The following ZRANB3 variants were observed in gnomAD, a reference collection of about 807,000 sequenced individuals.
ZRANB3 encodes the protein DNA annealing helicase and endonuclease ZRANB3.
Under a neutral mutation model 133.8 loss-of-function variants are expected in ZRANB3, and 125 were observed. That is an observed-to-expected ratio of 0.93 (90% CI 0.81 to 1.08). The LOEUF is 1.08. Ranked by LOEUF, ZRANB3 falls within the 50% of genes least tolerant of loss-of-function variation. The pLI is 0.00. For synonymous variants in ZRANB3, 387 were observed against 432.7 expected (o/e 0.89, Z 1.31); for missense variants, 1,229 against 1,275.5 (o/e 0.96, Z 0.56).
Position 135,290,956 on chromosome 2 carries a change from G to C in ZRANB3, c.967-15201C>G, listed in dbSNP as rs575301966. The stretch of plus-strand genomic sequence containing the variant: ...ATTATTCTGGCACCCAGGCTGGAGT[G>C]CAGTGGTATGTTCTTGGCTCACTGC... On this transcript the variant is annotated intron_variant, in intron 8 of 20. Coordinates refer to ENST00000264159, the MANE Select transcript of ZRANB3 (RefSeq NM_032143.4). Among the ~76,000 whole-genome samples the C allele has an allele frequency of 2.4e-4, 37 of 152,264 alleles. 1 individual carries two copies. The highest frequency in any genetic ancestry group is 2.3e-3 in the South Asian group (11 of 4,822).
chr2:135,213,080 A>T (rs1197728600), intron 17 of ZRANB3, among the ~76,000 whole-genome samples: 1 of 151,400 alleles, frequency 6.6e-6, no homozygotes, highest in Non-Finnish European at 1.5e-5. Flanking sequence ...ACCTTTATCA[A>T]TGTTTCTGGG....
intron 11 of ZRANB3, among the ~76,000 whole-genome samples, 172 bp downstream of exon 11, chr2:135,268,790 C>A (rs1056126635): frequency 6.6e-6 from 1 of 152,078 alleles, no homozygotes; most frequent in Admixed American, 6.5e-5. Flanking sequence ...CAGAGGAGAG[C>A]AGACAAGGTA....
intron 1 of ZRANB3, among the ~76,000 whole-genome samples, chr2:135,505,010 TATTAA>T (rs1378759460): frequency 1.3e-5 from 2 of 152,052 alleles, no homozygotes; most frequent in African/African-American, 4.8e-5. Flanking sequence ...AATGTAATAT[TATTAA>T]ATTGTTTAAA....
At chr2:135,396,595 T>G (rs968169466) in intron 2 of ZRANB3, among the ~76,000 whole-genome samples, 6 of 152,092 alleles carry the variant, frequency 3.9e-5, no homozygotes, top group African/African-American at 1.2e-4. Flanking sequence ...CTCACTTATG[T>G]GTGGGAATCC....
intron 2 of ZRANB3, among the ~76,000 whole-genome samples, chr2:135,437,819 C>G (rs1574103071): frequency 1.3e-5 from 2 of 152,174 alleles, no homozygotes; most frequent in African/African-American, 4.8e-5. Flanking sequence ...GATGAGATAG[C>G]TGGCAAAACA....
chr2:135,301,185 ATTT>A (rs765150218), intron 8 of ZRANB3, among the ~76,000 whole-genome samples: 5 of 135,890 alleles, frequency 3.7e-5, no homozygotes, highest in Admixed American at 7.4e-5. Flanking sequence ...TAATATGTTT[ATTT>A]TTTTTTTTTT....
At chr2:135,209,081 G>T in intron 17 of ZRANB3, 103 bp from the exon 18 acceptor site, 2 of 1,089,922 alleles carry the variant, frequency 1.8e-6, no homozygotes, top group East Asian at 2.5e-5. Context: ...GAAAAAGCAA[G>T]CACAATTCTA....
intron 2 of ZRANB3, among the ~76,000 whole-genome samples, chr2:135,486,866 C>T (rs1388394185): frequency 1.3e-5 from 2 of 152,220 alleles, no homozygotes; most frequent in African/African-American, 4.8e-5. Context: ...CTGGGATCAA[C>T]TTCTTCCAAA....
At chr2:135,530,323 T>C (rs1488334884) in intron 1 of ZRANB3, among the ~76,000 whole-genome samples, 1 of 152,096 alleles carries the variant, frequency 6.6e-6, no homozygotes. Context: ...TTTCTACAAA[T>C]TTAGCCGTGC....
chr2:135,299,459 A>G (rs1370541454), intron 8 of ZRANB3, among the ~76,000 whole-genome samples: 2 of 152,002 alleles, frequency 1.3e-5, no homozygotes, highest in South Asian at 2.1e-4. Context: ...TGCACTTCCC[A>G]TTCTCCTTGA....
In ZRANB3 at chr2:135,325,098, C is replaced by T. The variant is rs1248612131; in HGVS notation, c.678-9568G>A. On this transcript the variant is annotated intron_variant, in intron 6 of 20. Coordinates refer to ENST00000264159, the MANE Select transcript of ZRANB3 (RefSeq NM_032143.4). The stretch of plus-strand genomic sequence containing the variant: ...CCAAAGTTAATCTACAGATTCAATG[C>T]AATCTGTATCAAAATTCCAGCTGAC... Among the ~76,000 whole-genome samples, 3 of 152,264 alleles carry T rather than the reference C, an allele frequency of 2.0e-5. No homozygotes were observed. The East Asian group carries it at 5.8e-4, about 29-fold the overall frequency.
At chr2:135,516,493 C>T (rs1693704421) in intron 1 of ZRANB3, among the ~76,000 whole-genome samples, 1 of 152,180 alleles carries the variant, frequency 6.6e-6, no homozygotes, top group South Asian at 2.1e-4. Flanking sequence ...ATTTGCTTGT[C>T]TGTAAAGGAT....
At chr2:135,492,887 A>G (rs1480778112) in intron 2 of ZRANB3, among the ~76,000 whole-genome samples, 3 of 151,780 alleles carry the variant, frequency 2.0e-5, no homozygotes, top group Admixed American at 2.0e-4. Flanking sequence ...AAGGGTGACA[A>G]TAGAAAAAGG....
At chr2:135,340,995 T>A (rs1024206852) in intron 6 of ZRANB3, among the ~76,000 whole-genome samples, 1 of 127,210 alleles carries the variant, frequency 7.9e-6, no homozygotes, top group Admixed American at 8.5e-5. Context: ...AGAAATATTA[T>A]TTGTGTAGAG....
chr2:135,381,647 C>G (rs1262659406), intron 3 of ZRANB3, among the ~76,000 whole-genome samples: 1 of 152,204 alleles, frequency 6.6e-6, no homozygotes, highest in East Asian at 1.9e-4. Flanking sequence ...AGAGATGAAA[C>G]TTCCAGAGGA....
chr2:135,310,146 A>G (rs1488224654), intron 8 of ZRANB3, among the ~76,000 whole-genome samples: 4 of 152,146 alleles, frequency 2.6e-5, no homozygotes, highest in African/African-American at 9.7e-5. Context: ...CATGTTGGTC[A>G]GGCTGGTCTC....
chr2:135,402,116 C>T (rs913567974), intron 2 of ZRANB3, among the ~76,000 whole-genome samples: 1 of 151,554 alleles, frequency 6.6e-6, no homozygotes, highest in Non-Finnish European at 1.5e-5. Context: ...TAACATAATA[C>T]AAAAATTTTA....
chr2:135,243,484 G>C lies in ZRANB3; in HGVS notation c.1540-12557C>G, dbSNP rs111483480. On this transcript the variant is annotated intron_variant, in intron 12 of 20. Coordinates refer to ENST00000264159, the MANE Select transcript of ZRANB3 (RefSeq NM_032143.4). Reference sequence around the variant, plus strand: ...TGCCACTGCACTCCAGCCTGGGCAAGAGAGTGAGACTCCTTCTAAAAAAAA... The same window carrying C: ...TGCCACTGCACTCCAGCCTGGGCAACAGAGTGAGACTCCTTCTAAAAAAAA... 3.0e-3 allele frequency among the ~76,000 whole-genome samples: 452 copies of C among 152,308 alleles called. 3 individuals are homozygous for C. Among genetic ancestry groups the C allele is most frequent in the African/African-American group, 0.01 (421 of 41,564 alleles).
At chr2:135,460,932 T>G (rs1343803119) in intron 2 of ZRANB3, among the ~76,000 whole-genome samples, 1 of 152,210 alleles carries the variant, frequency 6.6e-6, no homozygotes, top group Non-Finnish European at 1.5e-5. Context: ...TAATTTAAAT[T>G]AACTAAAAGG....
Sources: allele counts gnomAD v4.1 joint callset (sites outside exome capture counted in the v4.1 genomes callset), GRCh38; gene constraint gnomAD v4.1.1; transcripts MANE v1.5; gene names NCBI Gene and HGNC (gene_info 2026-07-23, HGNC 2026-07-21).